Variants in LHFPL3 observed in about 807,000 individuals in gnomAD.
The protein encoded by LHFPL3 is LHFPL tetraspan subfamily member 3, also known as LHFPL tetraspan subfamily member 3 protein.
In LHFPL3, 5 loss-of-function variants were observed where a neutral mutation model predicts 19.3. The observed-to-expected ratio is 0.26, with a 90% confidence interval of 0.14 to 0.54. The LOEUF (loss-of-function observed/expected upper bound fraction) is 0.54, where lower values mean the gene tolerates loss of function less well. Ranked by LOEUF, LHFPL3 falls within the 20% of genes least tolerant of loss-of-function variation. The pLI, the probability that LHFPL3 is intolerant of heterozygous loss-of-function variation, is 0.94. For synonymous variants in LHFPL3, 133 were observed against 126.2 expected (o/e 1.05, Z -0.36); for missense variants, 249 against 307.4 (o/e 0.81, Z 1.42).
intron 1 of LHFPL3, among the ~76,000 whole-genome samples, chr7:104,471,807 T>A (rs140175004): frequency 7.7e-4 from 118 of 152,334 alleles, no homozygotes; most frequent in African/African-American, 2.7e-3. Context: ...TATTAACAAA[T>A]GTTTATAGTT....
At chr7:104,421,915 A>C (rs1410826425) in intron 1 of LHFPL3, among the ~76,000 whole-genome samples, 1 of 152,190 alleles carries the variant, frequency 6.6e-6, no homozygotes, top group African/African-American at 2.4e-5. Flanking sequence ...TAGTATCCTT[A>C]TAAGGAAAGA....
intron 2 of LHFPL3, among the ~76,000 whole-genome samples, chr7:104,790,019 T>C (rs13238018): frequency 0.15 from 23,291 of 152,180 alleles, 2,233 homozygotes; most frequent in East Asian, 0.48. Flanking sequence ...TTTCCTGATT[T>C]ATCCTGCTAG....
At chr7:104,595,097 G>T (rs1392203665) in intron 1 of LHFPL3, among the ~76,000 whole-genome samples, 1 of 152,198 alleles carries the variant, frequency 6.6e-6, no homozygotes, top group Non-Finnish European at 1.5e-5. Context: ...AAGGAGCTGT[G>T]AACCTTTCGA....
intron 1 of LHFPL3, among the ~76,000 whole-genome samples, chr7:104,604,914 G>A (rs560176214): frequency 1.2e-4 from 18 of 152,244 alleles, no homozygotes; most frequent in African/African-American, 3.9e-4. Context: ...CAGGGAGCCC[G>A]GGAATTGTTT....
chr7:104,900,850 A>G (rs920113503), intron 2 of LHFPL3, among the ~76,000 whole-genome samples: 3 of 152,242 alleles, frequency 2.0e-5, no homozygotes, highest in African/African-American at 4.8e-5. Context: ...AGCCCATGAC[A>G]TGTTACAAGG....
At chr7:104,893,642 A>T (rs987628180) in intron 2 of LHFPL3, among the ~76,000 whole-genome samples, 6 of 152,198 alleles carry the variant, frequency 3.9e-5, no homozygotes, top group African/African-American at 7.2e-5. Flanking sequence ...CAGAGCATTT[A>T]CAAACATTTA....
intron 2 of LHFPL3, among the ~76,000 whole-genome samples, chr7:104,833,167 G>A (rs1186239166): frequency 9.8e-6 from 1 of 101,822 alleles, no homozygotes; most frequent in African/African-American, 4.0e-5. Context: ...CCTATTGTGG[G>A]AACTTGTGAT....
At chr7:104,436,427 C>T (rs2116570352) in intron 1 of LHFPL3, among the ~76,000 whole-genome samples, 1 of 152,288 alleles carries the variant, frequency 6.6e-6, no homozygotes, top group East Asian at 1.9e-4. Context: ...CATGGCAGAA[C>T]CAGGACTCAA....
intron 2 of LHFPL3, chr7:104,802,916 T>C (rs1369019758): frequency 2.0e-5 from 3 of 152,302 alleles, no homozygotes; most frequent in East Asian, 3.9e-4. Context: ...CATTGCTTGA[T>C]CTTTCTAAAA....
At position 104,634,170 on chromosome 7, in the gene LHFPL3, G is replaced by A. The variant is rs146677561; in HGVS notation, c.446-102505G>A. On this transcript the variant is annotated intron_variant, in intron 1 of 2. Transcript: ENST00000424859. Reference sequence around the variant, plus strand: ...ACAAACATTTATTCATAAAATATGAGGTCCCTATGTCATTTAACTAGCTCA... The same window carrying A: ...ACAAACATTTATTCATAAAATATGAAGTCCCTATGTCATTTAACTAGCTCA... Among the ~76,000 whole-genome samples, 355 of 152,210 alleles carry A rather than the reference G, an allele frequency of 2.3e-3. 2 individuals are homozygous for A. The highest frequency in any genetic ancestry group is 7.4e-3 in the African/African-American group (308 of 41,534).
chr7:104,764,277 T>G (rs530034109), intron 2 of LHFPL3, among the ~76,000 whole-genome samples: 1 of 152,308 alleles, frequency 6.6e-6, no homozygotes, highest in East Asian at 1.9e-4. Flanking sequence ...CTAGCAATTC[T>G]CCTACCTCAG....
At chr7:104,347,493 C>A (rs143196876) in intron 1 of LHFPL3, among the ~76,000 whole-genome samples, 178 of 152,262 alleles carry the variant, frequency 1.2e-3, no homozygotes, top group African/African-American at 4.0e-3. Flanking sequence ...TTGCAAGGAG[C>A]TGTAATGGCT....
chr7:104,583,408 T>C (rs1790501383), intron 1 of LHFPL3, among the ~76,000 whole-genome samples: 1 of 152,156 alleles, frequency 6.6e-6, no homozygotes, highest in Non-Finnish European at 1.5e-5. Flanking sequence ...TGGGCAGAAC[T>C]TCATGTCTAA....
chr7:104,659,610 A>G (rs1792186483), intron 1 of LHFPL3, among the ~76,000 whole-genome samples: 1 of 152,212 alleles, frequency 6.6e-6, no homozygotes. Context: ...TGAGTCCCTG[A>G]CACAGACTGA....
intron 1 of LHFPL3, among the ~76,000 whole-genome samples, chr7:104,706,399 A>G (rs1793191189): frequency 6.6e-6 from 1 of 152,168 alleles, no homozygotes; most frequent in Admixed American, 6.5e-5. Context: ...TCACTGGGTA[A>G]GAGGACCACC....
intron 2 of LHFPL3, among the ~76,000 whole-genome samples, chr7:104,800,547 C>T (rs563422269): frequency 2.2e-4 from 33 of 152,306 alleles, no homozygotes; most frequent in Admixed American, 4.6e-4. Flanking sequence ...GATCTCCAAA[C>T]CCTCTTTCTC....
At chr7:104,774,390 G>A (rs1457452568) in intron 2 of LHFPL3, among the ~76,000 whole-genome samples, 1 of 152,302 alleles carries the variant, frequency 6.6e-6, no homozygotes, top group East Asian at 1.9e-4. Context: ...TCACAGTACA[G>A]ATGAAGAAAC....
intron 1 of LHFPL3, among the ~76,000 whole-genome samples, chr7:104,718,973 T>G (rs79087125): frequency 0.036 from 5,423 of 152,224 alleles, 325 homozygotes; most frequent in African/African-American, 0.12. Context: ...TCTTTTCTTC[T>G]CTTAAGATCC....
At chr7:104,554,613 CA>C (rs1794723396) in intron 1 of LHFPL3, among the ~76,000 whole-genome samples, 1 of 150,598 alleles carries the variant, frequency 6.6e-6, no homozygotes, top group Non-Finnish European at 1.5e-5. Flanking sequence ...CCCACAGAGG[CA>C]GAACTAATAG....
Sources: gnomAD v4.1 joint callset for allele counts (sites outside exome capture counted in the v4.1 genomes callset) on GRCh38, gnomAD v4.1.1 for gene constraint, MANE v1.5 for transcripts, NCBI Gene and HGNC (gene_info 2026-07-23, HGNC 2026-07-21) for gene names.